Variants in CYREN observed in about 807,000 individuals in gnomAD.
CYREN encodes the protein cell cycle regulator of non-homologous end joining.
Under a neutral mutation model 9.7 loss-of-function variants are expected in CYREN, and 7 were observed. That is an observed-to-expected ratio of 0.72 (90% CI 0.41 to 1.36). CYREN has a LOEUF of 1.36. CYREN is among the 40% of genes most tolerant of loss of function. CYREN has a pLI of 0.01. For synonymous variants in CYREN, 76 were observed against 77.9 expected (o/e 0.98, Z 0.13); for missense variants, 215 against 198.1 (o/e 1.09, Z -0.51).
chr7:135,142,729 G>A (rs1829476547), intron 2 of CYREN, among the ~76,000 whole-genome samples: 1 of 151,886 alleles, frequency 6.6e-6, no homozygotes. Context: ...ATTGACATTA[G>A]CACCAAAAAA....
intron 1 of CYREN, 178 bp from the exon 2 acceptor site, chr7:135,169,238 C>CA: frequency 4.9e-6 from 1 of 204,482 alleles, no homozygotes; most frequent in Non-Finnish European, 9.8e-6. Flanking sequence ...GCCCTCTGAC[C>CA]TCCCCAAAGC....
intron 2 of CYREN, 51 bp downstream of exon 2, chr7:135,168,735 C>G: frequency 6.3e-7 from 1 of 1,595,716 alleles, no homozygotes; most frequent in Non-Finnish European, 8.5e-7. Flanking sequence ...CATGGAGGCC[C>G]CTGCTCCACT....
downstream of CYREN, chr7:135,165,001 G>A: frequency 6.4e-7 from 1 of 1,570,912 alleles, no homozygotes; most frequent in Non-Finnish European, 8.6e-7. Context: ...AGCTGCTAAA[G>A]GCTTACGTGA....
chr7:135,133,089 AC>A (rs1829017222), intron 2 of CYREN, among the ~76,000 whole-genome samples: 1 of 151,984 alleles, frequency 6.6e-6, no homozygotes, highest in Non-Finnish European at 1.5e-5. Flanking sequence ...ACACACACAC[AC>A]ACACACACAA....
intron 2 of CYREN, among the ~76,000 whole-genome samples, chr7:135,142,853 CAT>C (rs1351175044): frequency 6.6e-6 from 1 of 152,122 alleles, no homozygotes; most frequent in African/African-American, 2.4e-5. Flanking sequence ...AGTCTGTGTT[CAT>C]AGACAGGAAA....
chr7:135,134,237 TA>T (rs1829173764), intron 2 of CYREN, among the ~76,000 whole-genome samples: 1 of 152,084 alleles, frequency 6.6e-6, no homozygotes, highest in African/African-American at 2.4e-5. Flanking sequence ...CTCTCTGTAT[TA>T]CTTCTCTCAA....
chr7:135,095,610 C>T (rs914231649), intron 2 of CYREN, among the ~76,000 whole-genome samples: 2 of 152,090 alleles, frequency 1.3e-5, no homozygotes, highest in East Asian at 1.9e-4. Context: ...AATACAAAAG[C>T]CATATGTTAT....
At chr7:135,126,628 T>C (rs557104720) in intron 2 of CYREN, among the ~76,000 whole-genome samples, 2 of 152,322 alleles carry the variant, frequency 1.3e-5, no homozygotes, top group East Asian at 3.9e-4. Context: ...TCACACTACC[T>C]AACTTCAAAC....
downstream of CYREN, among the ~76,000 whole-genome samples, chr7:135,163,343 T>C (rs1829996621): frequency 6.6e-6 from 1 of 152,240 alleles, no homozygotes; most frequent in Non-Finnish European, 1.5e-5. Flanking sequence ...TTTATTATTA[T>C]TTTTAAAATA....
intron 2 of CYREN, among the ~76,000 whole-genome samples, chr7:135,158,378 C>A (rs1289495287): frequency 6.6e-6 from 1 of 152,146 alleles, no homozygotes; most frequent in East Asian, 1.9e-4. Flanking sequence ...AGGGGTGCTG[C>A]CCAACATTAA....
intron 2 of CYREN, chr7:135,147,749 C>G: frequency 2.2e-6 from 1 of 456,106 alleles, no homozygotes. Context: ...TGGCTGGGAG[C>G]TTGGACCAGA....
chr7:135,094,824 G>A (rs1045479404), intron 2 of CYREN, among the ~76,000 whole-genome samples: 7 of 152,194 alleles, frequency 4.6e-5, no homozygotes, highest in Non-Finnish European at 8.8e-5. Flanking sequence ...TTGTTTGTCA[G>A]ATTTTTCATT....
intron 2 of CYREN, among the ~76,000 whole-genome samples, chr7:135,117,746 C>T (rs915143210): frequency 2.6e-5 from 4 of 152,210 alleles, no homozygotes; most frequent in African/African-American, 9.6e-5. Flanking sequence ...TTTCCATATA[C>T]ACCTATATCA....
At chr7:135,130,976 GT>G (rs1828675420) in intron 2 of CYREN, among the ~76,000 whole-genome samples, 3 of 151,996 alleles carry the variant, frequency 2.0e-5, no homozygotes, top group African/African-American at 7.3e-5. Context: ...AGAACATATT[GT>G]TTTTTTCCTA....
At chr7:135,128,793 T>C (rs1193792904) in intron 2 of CYREN, 2 of 1,227,228 alleles carry the variant, frequency 1.6e-6, no homozygotes, top group Non-Finnish European at 2.4e-6. Flanking sequence ...CTGGATCTGA[T>C]ACAGACCAAG....
chr7:135,157,172 G>C lies in CYREN; in HGVS notation n.356+11577C>G, dbSNP rs112167243. Among the ~76,000 whole-genome samples the C allele has an allele frequency of 1.6e-3, 241 of 152,286 alleles. 3 individuals carry two copies. The highest frequency in any genetic ancestry group is 5.3e-3 in the African/African-American group (220 of 41,536). On this transcript the variant is annotated intron_variant and non_coding_transcript_variant, in intron 2 of 2. Transcript: ENST00000459937. ...TACATGTTTCCTGTATCCTTCCATT[G>C]ATTTCTTTGCGTCTGGTGTAGCAGT...
At chr7:135,119,580 C>T (rs992943273) in intron 2 of CYREN, among the ~76,000 whole-genome samples, 10 of 151,004 alleles carry the variant, frequency 6.6e-5, no homozygotes, top group African/African-American at 2.2e-4. Context: ...AAAAAACTAT[C>T]GAAAGGAGTC....
chr7:135,111,052 C>G (rs1418474286), intron 2 of CYREN, among the ~76,000 whole-genome samples: 2 of 152,172 alleles, frequency 1.3e-5, no homozygotes, highest in Non-Finnish European at 2.9e-5. Flanking sequence ...CTCTCTCCTA[C>G]CTAACATCTC....
intron 2 of CYREN, among the ~76,000 whole-genome samples, chr7:135,124,136 A>G (rs1279742773): frequency 6.6e-6 from 1 of 152,140 alleles, no homozygotes. Context: ...GGTGTGCTGC[A>G]TCCAGGAGAC....
Sources: gnomAD v4.1 joint callset for allele counts (sites outside exome capture counted in the v4.1 genomes callset) on GRCh38, gnomAD v4.1.1 for gene constraint, MANE v1.5 for transcripts, NCBI Gene and HGNC (gene_info 2026-07-23, HGNC 2026-07-21) for gene names.